PEX11G: variants seen among roughly 807,000 people sequenced by gnomAD.
PEX11G encodes peroxisomal membrane protein 11C.
A neutral mutation model predicts 22.5 loss-of-function variants in PEX11G; 20 were observed. That is an observed-to-expected ratio of 0.89 (90% confidence interval 0.62 to 1.29). PEX11G has a LOEUF of 1.29. PEX11G is among the 50% of genes most tolerant of loss of function. PEX11G has a pLI of 0.00. For synonymous variants in PEX11G, 141 were observed against 154.5 expected (o/e 0.91, Z 0.65); for missense variants, 347 against 331.3 (o/e 1.05, Z -0.37).
In PEX11G at chr19:7,488,810, G is replaced by A. The variant is rs764605048; in HGVS notation, c.60+141C>T. ...AAATACATAAATGTCCAATGCTAGG[G>A]CACCGCATTTGAGCCTAGCTCGGAC... On this transcript the variant is annotated intron_variant, in intron 1 of 4. Coordinates refer to ENST00000221480, the MANE Select transcript of PEX11G (RefSeq NM_080662.4). 62 of 825,342 alleles carry A rather than the reference G, an allele frequency of 7.5e-5. 2 individuals are homozygous for A. Among genetic ancestry groups the A allele is most frequent in the Middle Eastern group, 4.6e-4 (2 of 4,316 alleles). 51.1% of individuals were successfully genotyped at this position (825,342 alleles called of 1,614,324 possible). A position where few individuals can be genotyped will look rare whatever the true frequency, so the allele number is the denominator to read the frequency against.
intron 2 of PEX11G, among the ~76,000 whole-genome samples, chr19:7,482,830 G>A (rs1330114532): frequency 1.3e-5 from 2 of 152,232 alleles, no homozygotes; most frequent in Non-Finnish European, 2.9e-5. Context: ...AGACGGCCAC[G>A]CTGAGGCTCT....
chr19:7,477,553 CT>C lies in PEX11G; in HGVS notation c.492-118del, dbSNP rs1977280265. The C allele has an allele frequency of 8.3e-6, 7 of 845,654 alleles. No homozygotes were observed. The Admixed American group carries it at 2.6e-4, about 32-fold the overall frequency. The allele number at this position is 845,654 out of a possible 1,614,324, so 52.4% of individuals were successfully genotyped here. On this transcript the variant is annotated intron_variant, in intron 4 of 4. Coordinates refer to ENST00000221480, the MANE Select transcript of PEX11G (RefSeq NM_080662.4). ...AGCCCCTGCCTGTGAGTGGGAGGAG[CT>C]GGCAGGACTGAGGTGGCCTCCCTGA... is the stretch of plus-strand genomic sequence containing the variant.
chr19:7,482,039 A>G lies in PEX11G; in HGVS notation c.422T>C (p.Val141Ala), dbSNP rs562315874. 8.1e-6 allele frequency: 13 copies of G among 1,596,172 alleles called. No homozygotes were observed. In the African/African-American group the frequency reaches 1.1e-4, roughly 13 times the overall value. The change falls in exon 3 of 5, where the codon GTT becomes GCT. Residue 141 changes from valine to alanine, a missense_variant. Coordinates refer to ENST00000221480, the MANE Select transcript of PEX11G (RefSeq NM_080662.4). ...TCTGGCCCATGCCACTTACCTGGCA[A>G]CCCCCAGGAGCAGAGAGAGGGCCCA... is the stretch of plus-strand genomic sequence containing the variant. ...TLWALSLLLG[V>A]ARSLWMLLKL...
chr19:7,482,243 T>G (rs1177110986), intron 2 of PEX11G, 32 bp from the exon 3 acceptor site: 3 of 1,532,884 alleles, frequency 2.0e-6, no homozygotes, highest in Non-Finnish European at 2.6e-6. Context: ...GGGCCTAGGG[T>G]CAGACTTACC....
intron 1 of PEX11G, among the ~76,000 whole-genome samples, chr19:7,488,538 G>T (rs1443118816): frequency 7.5e-6 from 1 of 133,538 alleles, no homozygotes; most frequent in East Asian, 2.4e-4. Flanking sequence ...GGTGGCTCAC[G>T]CCTGTAATCC....
upstream of PEX11G, chr19:7,492,873 T>C (rs2145986802): frequency 6.6e-6 from 1 of 152,364 alleles, no homozygotes; most frequent in South Asian, 2.1e-4. Flanking sequence ...TTGCATGTTC[T>C]GTTTCCTCTG....
In PEX11G at chr19:7,477,319, C is replaced by T. The variant is rs1197905420; in HGVS notation, c.609G>A (p.Val203=). Residue 203 remains valine (V), a synonymous_variant, in exon 5 of 5, where the codon GTG becomes GTA. Transcript: ENST00000221480. ...ANAVHWLPRG[V]LWAGRFPPWL... is the part of the protein sequence containing the mutation. ...ACGGCGGGAAGCGGCCGGCCCACAG[C>T]ACGCCCCGGGGCAGCCAGTGCACGG... 1.3e-6 allele frequency: 2 copies of T among 1,561,434 alleles called. No individual in the cohort carries two copies.
intron 2 of PEX11G, among the ~76,000 whole-genome samples, chr19:7,482,772 G>A (rs983239068): frequency 1.3e-5 from 2 of 152,242 alleles, no homozygotes; most frequent in Non-Finnish European, 1.5e-5. Flanking sequence ...CACGCGCCAG[G>A]CACAGTGCGG....
chr19:7,477,551 A>G, intron 4 of PEX11G, 115 bp from the exon 5 acceptor site: 1 of 878,438 alleles, frequency 1.1e-6, no homozygotes, highest in African/African-American at 1.8e-5. Context: ...GAGTGGGAGG[A>G]GCTGGCAGGA....
At chr19:7,477,917 G>A (rs904157328) in intron 4 of PEX11G, among the ~76,000 whole-genome samples, 32 of 152,350 alleles carry the variant, frequency 2.1e-4, no homozygotes, top group African/African-American at 7.7e-4. Context: ...AGCTACTCGG[G>A]AAGCTGAAAC....
chr19:7,482,295 A>G, intron 2 of PEX11G, 84 bp from the exon 3 acceptor site: 1 of 1,408,512 alleles, frequency 7.1e-7, no homozygotes, highest in Non-Finnish European at 9.4e-7. Flanking sequence ...GGTGGCAGAG[A>G]GCTATTTCCT....
chr19:7,476,892 T>C lies in PEX11G; in HGVS notation c.*310A>G, dbSNP rs974185477. On this transcript the variant is annotated 3_prime_UTR_variant, in exon 5 of 5. Coordinates refer to ENST00000221480, the MANE Select transcript of PEX11G (RefSeq NM_080662.4). ...AGCCAGGCGCCAGCACCACAATGTT[T>C]AATTGATTCCCGTTCCAGCTTTCTC... 1.7e-5 allele frequency: 6 copies of C among 344,160 alleles called. No individual in the cohort carries two copies. The Admixed American group carries it at 1.9e-4, about 11-fold the overall frequency. 21.3% of individuals were successfully genotyped at this position (344,160 alleles called of 1,614,324 possible). A position where few individuals can be genotyped will look rare whatever the true frequency, so the allele number is the denominator to read the frequency against.
chr19:7,488,952 A>G lies in PEX11G; in HGVS notation c.59T>C (p.Leu20Pro), dbSNP rs1338865880. The G allele has an allele frequency of 6.4e-7, 1 of 1,553,002 alleles. No individual in the cohort carries two copies. The highest frequency in any genetic ancestry group is 8.7e-7 in the Non-Finnish European group (1 of 1,149,908). The change falls in exon 1 of 5, where the codon CTG becomes CCG. Residue 20 changes from leucine (L) to proline (P), a missense_variant and splice_region_variant. Leu to Pro is a moderately conservative substitution (Grantham distance 98, BLOSUM62 -3). Transcript: ENST00000221480. Reference protein sequence around the residue: ...ALESYRGRDRLIRVLGYCCQL... With the variant: ...ALESYRGRDRPIRVLGYCCQL... ...GGCCCCGGTCCGCCCCTGCCTCACCAGGCGGTCCCGGCCCCTGTACGACTC... is the reference window on the plus strand; with the variant it reads ...GGCCCCGGTCCGCCCCTGCCTCACCGGGCGGTCCCGGCCCCTGTACGACTC...
upstream of PEX11G, among the ~76,000 whole-genome samples, chr19:7,491,950 G>C (rs185333609): frequency 6.1e-4 from 93 of 152,304 alleles, no homozygotes; most frequent in East Asian, 0.011. Flanking sequence ...GAGCCACTGC[G>C]TGCAGCTGAG....
upstream of PEX11G, among the ~76,000 whole-genome samples, chr19:7,493,995 C>T (rs899852959): frequency 6.6e-6 from 1 of 151,816 alleles, no homozygotes; most frequent in Non-Finnish European, 1.5e-5. Flanking sequence ...GCAACCTCTG[C>T]CTCTGGGTTC....
upstream of PEX11G, among the ~76,000 whole-genome samples, chr19:7,491,329 G>A (rs970232574): frequency 6.9e-5 from 10 of 144,952 alleles, no homozygotes; most frequent in Non-Finnish European, 1.5e-4. Context: ...GAGTGCAGTG[G>A]CATGATCTCA....
At chr19:7,481,438 G>A (rs1209345113) in intron 3 of PEX11G, among the ~76,000 whole-genome samples, 1 of 152,196 alleles carries the variant, frequency 6.6e-6, no homozygotes, top group Non-Finnish European at 1.5e-5. Flanking sequence ...CTGGGCTCAA[G>A]TGATCCACCC....
At chr19:7,477,707 T>C (rs1977289289) in intron 4 of PEX11G, among the ~76,000 whole-genome samples, 1 of 152,084 alleles carries the variant, frequency 6.6e-6, no homozygotes, top group Non-Finnish European at 1.5e-5. Context: ...GGATTCCTTG[T>C]GAAAAACAGA....
intron 1 of PEX11G, among the ~76,000 whole-genome samples, chr19:7,487,868 A>AC (rs1232296995): frequency 6.6e-5 from 10 of 151,700 alleles, no homozygotes; most frequent in African/African-American, 2.2e-4. Context: ...TTGTTAACCC[A>AC]CCCCCCCAAT....
Sources: gnomAD v4.1 joint callset for allele counts (sites outside exome capture counted in the v4.1 genomes callset) on GRCh38, gnomAD v4.1.1 for gene constraint, MANE v1.5 for transcripts, NCBI Gene and HGNC (gene_info 2026-07-23, HGNC 2026-07-21) for gene names.